The following SKIC3 variants were observed in gnomAD, a reference collection of about 807,000 sequenced individuals.
The protein encoded by SKIC3 is SKI3 subunit of superkiller complex.
At chr5:95,497,545 C>A in the SKIC3 span, 19 of 1,274,456 alleles carry the variant, frequency 1.5e-5, no homozygotes, top group South Asian at 2.4e-4. Flanking sequence ...ACAAAATGTA[C>A]AAGCAACCAA....
At chr5:95,540,810 C>A in the SKIC3 span, 7 of 1,614,068 alleles carry the variant, frequency 4.3e-6, no homozygotes, top group East Asian at 1.3e-4. Context: ...TTTTTATCAA[C>A]TTGTGCCATG....
chr5:95,535,953 C>T, the SKIC3 span, among the ~76,000 whole-genome samples: 1 of 152,076 alleles, frequency 6.6e-6, no homozygotes, highest in African/African-American at 2.4e-5. Flanking sequence ...AATTTGTTCA[C>T]CTCAAGAGAG....
chr5:95,495,384 AACTT>A, the SKIC3 span: 72 of 209,592 alleles, frequency 3.4e-4, no homozygotes, highest in African/African-American at 1.5e-3. Flanking sequence ...GTATTTTTAA[AACTT>A]ACATACTCTA....
chr5:95,531,753 G>T, the SKIC3 span, among the ~76,000 whole-genome samples: 1 of 152,196 alleles, frequency 6.6e-6, no homozygotes, highest in African/African-American at 2.4e-5. Context: ...AAGACCACAG[G>T]TCTACAATAT....
At chr5:95,505,031 A>G in the SKIC3 span, among the ~76,000 whole-genome samples, 5 of 152,110 alleles carry the variant, frequency 3.3e-5, no homozygotes, top group African/African-American at 7.2e-5. Flanking sequence ...AGGAAAATAT[A>G]AACTGTAATA....
chr5:95,538,817 A>C, the SKIC3 span, among the ~76,000 whole-genome samples: 1 of 152,300 alleles, frequency 6.6e-6, no homozygotes, highest in East Asian at 1.9e-4. Flanking sequence ...CTAAATATAA[A>C]TACTCTAAAC....
the SKIC3 span, chr5:95,517,318 G>C: frequency 1.2e-6 from 2 of 1,612,428 alleles, no homozygotes; most frequent in Non-Finnish European, 8.5e-7. Context: ...CGATGCTGTA[G>C]AGCACTAAAA....
the SKIC3 span, chr5:95,503,742 T>A: frequency 4.4e-6 from 7 of 1,600,824 alleles, no homozygotes; most frequent in African/African-American, 6.7e-5. Context: ...TTATTACATC[T>A]TTCTGTATGT....
chr5:95,501,312 T>C, the SKIC3 span, among the ~76,000 whole-genome samples: 2 of 152,172 alleles, frequency 1.3e-5, no homozygotes, highest in African/African-American at 4.8e-5. Context: ...ATGTTGTCTT[T>C]TACCATGTTC....
the SKIC3 span, chr5:95,522,398 T>C: frequency 1.4e-6 from 2 of 1,464,770 alleles, no homozygotes; most frequent in Non-Finnish European, 1.9e-6. Context: ...CAAGTAAACA[T>C]ATATATCTGT....
chr5:95,552,618 T>C, the SKIC3 span, among the ~76,000 whole-genome samples: 2 of 152,104 alleles, frequency 1.3e-5, no homozygotes, highest in South Asian at 2.1e-4. Flanking sequence ...CAGAAGCATC[T>C]GTGACCCACA....
the SKIC3 span, among the ~76,000 whole-genome samples, chr5:95,470,125 C>T: frequency 6.6e-6 from 1 of 151,904 alleles, no homozygotes; most frequent in Non-Finnish European, 1.5e-5. Context: ...CTACAGGCGC[C>T]CGCCACCACA....
At chr5:95,524,220 T>C in the SKIC3 span, among the ~76,000 whole-genome samples, 1 of 152,196 alleles carries the variant, frequency 6.6e-6, no homozygotes, top group Non-Finnish European at 1.5e-5. Context: ...CTTAAAAGTA[T>C]TGTTTACAAG....
chr5:95,497,284 T>A, the SKIC3 span: 4 of 869,654 alleles, frequency 4.6e-6, no homozygotes, highest in Admixed American at 8.2e-5. Context: ...AATGGAAAAT[T>A]TAGTTAATAA....
the SKIC3 span, chr5:95,516,211 CA>C: frequency 1.3e-6 from 1 of 777,172 alleles, no homozygotes. Context: ...TGAATATCAT[CA>C]ATTAACTAGC....
At chr5:95,547,551 AT>A in the SKIC3 span, among the ~76,000 whole-genome samples, 5 of 150,680 alleles carry the variant, frequency 3.3e-5, no homozygotes, top group Middle Eastern at 3.4e-3. Context: ...GCAGGCAAGA[AT>A]TTTTTTTTTC....
chr5:95,536,641 CTATATT>C, the SKIC3 span: 10 of 605,914 alleles, frequency 1.7e-5, no homozygotes, highest in Middle Eastern at 4.5e-4. Context: ...CTGTACTTTC[CTATATT>C]TATTAGTCTT....
chr5:95,478,253 T>C, the SKIC3 span: 1 of 1,611,150 alleles, frequency 6.2e-7, no homozygotes, highest in Non-Finnish European at 8.5e-7. Flanking sequence ...GATAAAAAAA[T>C]CAATTTTTCA....
the SKIC3 span, among the ~76,000 whole-genome samples, chr5:95,540,049 T>C: frequency 6.6e-6 from 1 of 152,044 alleles, no homozygotes; most frequent in Non-Finnish European, 1.5e-5. Context: ...TTGTGATATA[T>C]ATACATATAG....
Sources: allele counts gnomAD v4.1 joint callset (sites outside exome capture counted in the v4.1 genomes callset), GRCh38; gene constraint gnomAD v4.1.1; transcripts MANE v1.5; gene names NCBI Gene and HGNC (gene_info 2026-07-23, HGNC 2026-07-21).